PTPRG: variants seen among roughly 807,000 people sequenced by gnomAD.
PTPRG encodes protein tyrosine phosphatase receptor type G.
A neutral mutation model predicts 165.3 loss-of-function variants in PTPRG; 102 were observed. That is an observed-to-expected ratio of 0.62 (90% CI 0.53 to 0.73). The LOEUF is 0.73. Ranked by LOEUF, PTPRG falls within the 30% of genes least tolerant of loss-of-function variation. The probability of loss-of-function intolerance (pLI) is 0.00; values close to 1 mark genes in which losing one functional copy is unlikely to be tolerated. For synonymous variants in PTPRG, 675 were observed against 669.5 expected (o/e 1.01, Z -0.13); for missense variants, 1,866 against 1,861.4 (o/e 1.00, Z -0.05).
chr3:61,610,377 T>G (rs1180369044), intron 1 of PTPRG, among the ~76,000 whole-genome samples: 1 of 152,048 alleles, frequency 6.6e-6, no homozygotes, highest in Non-Finnish European at 1.5e-5. Flanking sequence ...CCCAAATCAT[T>G]TGGTAGATGT....
At chr3:62,090,313 G>A (rs533123760) in intron 5 of PTPRG, among the ~76,000 whole-genome samples, 2 of 152,206 alleles carry the variant, frequency 1.3e-5, no homozygotes, top group Admixed American at 6.5e-5. Flanking sequence ...ACTCTTCAAA[G>A]GTGGCTGCCA....
chr3:62,282,657 A>G (rs376555485), intron 27 of PTPRG, 70 bp from the exon 28 acceptor site: 5 of 1,476,766 alleles, frequency 3.4e-6, no homozygotes, highest in East Asian at 2.4e-5. Flanking sequence ...CTCAGGAGCA[A>G]GTTCTAGTCA....
chr3:62,281,709 G>A lies in PTPRG; in HGVS notation c.3912G>A (p.Gln1304=). 6.2e-7 allele frequency: 1 copy of A among 1,609,936 alleles called. No individual in the cohort carries two copies. The highest frequency in any genetic ancestry group is 8.5e-7 in the Non-Finnish European group (1 of 1,177,826). ...ATGACTTTATCCTTGAAGCTACACA[G>A]GTAACCTAAACCTCAGTTCCTCACT... ...IIHDFILEAT[Q]DDYVLEVRHF... is the part of the protein sequence containing the mutation. Residue 1304 remains glutamine (Q), a splice_region_variant and synonymous_variant, in exon 27 of 30, where the codon CAG becomes CAA. Transcript: ENST00000474889.
intron 5 of PTPRG, among the ~76,000 whole-genome samples, chr3:62,112,331 T>C (rs1702699434): frequency 1.3e-5 from 2 of 152,258 alleles, no homozygotes; most frequent in Non-Finnish European, 1.5e-5. Flanking sequence ...CTCAAACTCC[T>C]GACCTCAAGC....
chr3:61,686,900 G>C (rs1703650507), intron 1 of PTPRG, among the ~76,000 whole-genome samples: 1 of 152,126 alleles, frequency 6.6e-6, no homozygotes. Flanking sequence ...TTAATGGTTG[G>C]TGTTGTCTTG....
At chr3:61,967,554 T>G (rs1335062368) in intron 2 of PTPRG, among the ~76,000 whole-genome samples, 1 of 152,176 alleles carries the variant, frequency 6.6e-6, no homozygotes, top group African/African-American at 2.4e-5. Flanking sequence ...ATGTCTAAAT[T>G]CATTCCCTTA....
intron 1 of PTPRG, among the ~76,000 whole-genome samples, chr3:61,597,375 A>C (rs1700729452): frequency 6.6e-6 from 1 of 152,206 alleles, no homozygotes; most frequent in Non-Finnish European, 1.5e-5. Context: ...TCGGCCCTCT[A>C]GATCCTTGGA....
rs1700579705 is a variant in PTPRG, at chr3:62,218,905, G to A, written c.2210G>A (p.Trp737Ter). 1 of 1,613,868 alleles carries A rather than the reference G, an allele frequency of 6.2e-7. No homozygotes were observed. Among genetic ancestry groups the A allele is most frequent in the Non-Finnish European group, 8.5e-7 (1 of 1,179,758 alleles). Reference protein sequence around the residue: ...ISRPAPGRMEWIIPLIVVSAL... With the variant: ...ISRPAPGRME ...CGCCCTGCTCCAGGGAGGATGGAGT[G>A]GATCATCCCTCTGATTGTGGTATCA... The change falls in exon 13 of 30, where the codon TGG (tryptophan) becomes TAG (stop). Residue 737 changes from tryptophan (W) to a stop codon, truncating the protein, a stop_gained. Coordinates refer to ENST00000474889, the MANE Select transcript of PTPRG (RefSeq NM_002841.4). LOFTEE classifies it high-confidence loss of function.
chr3:61,583,411 G>A (rs1011423793), intron 1 of PTPRG, among the ~76,000 whole-genome samples: 6 of 152,230 alleles, frequency 3.9e-5, no homozygotes, highest in Non-Finnish European at 7.3e-5. Flanking sequence ...ACATCTATAA[G>A]ATGGGATGAT....
At chr3:62,152,245 G>A (rs1358743204) in intron 6 of PTPRG, among the ~76,000 whole-genome samples, 1 of 151,202 alleles carries the variant, frequency 6.6e-6, no homozygotes, top group African/African-American at 2.4e-5. Flanking sequence ...GGTGATACAA[G>A]CCTATAGTCC....
intron 15 of PTPRG, among the ~76,000 whole-genome samples, chr3:62,250,177 A>T (rs1354074629): frequency 1.3e-5 from 2 of 152,132 alleles, no homozygotes; most frequent in Admixed American, 1.3e-4. Flanking sequence ...TGTTATCCTG[A>T]TTGCTTTTCA....
At chr3:62,124,129 A>G in intron 5 of PTPRG, 1 of 575,212 alleles carries the variant, frequency 1.7e-6, no homozygotes, top group Non-Finnish European at 3.1e-6. Context: ...TTGAAAAATA[A>G]GTTCAGCGCT....
intron 2 of PTPRG, among the ~76,000 whole-genome samples, chr3:61,859,982 T>C (rs530056072): frequency 6.6e-6 from 1 of 152,346 alleles, no homozygotes; most frequent in East Asian, 1.9e-4. Flanking sequence ...ACATCCTTTA[T>C]TGTGATCAAT....
chr3:61,674,293 T>C (rs1453041795), intron 1 of PTPRG, among the ~76,000 whole-genome samples: 1 of 151,816 alleles, frequency 6.6e-6, no homozygotes, highest in Admixed American at 6.6e-5. Context: ...GATCTCCAGC[T>C]CCCCGCTCTT....
chr3:61,568,758 A>G (rs1039759247), intron 1 of PTPRG, among the ~76,000 whole-genome samples: 7 of 152,028 alleles, frequency 4.6e-5, no homozygotes, highest in African/African-American at 9.7e-5. Context: ...AAATACAAAA[A>G]TTAGCTGGGC....
chr3:61,711,233 T>C (rs999698797), intron 1 of PTPRG, among the ~76,000 whole-genome samples: 2 of 152,204 alleles, frequency 1.3e-5, no homozygotes, highest in Non-Finnish European at 2.9e-5. Context: ...AATAGACATA[T>C]GTGTGCATGT....
chr3:61,727,268 C>T (rs1361871021), intron 1 of PTPRG, among the ~76,000 whole-genome samples: 4 of 151,520 alleles, frequency 2.6e-5, no homozygotes, highest in African/African-American at 7.3e-5. Context: ...TCACTGCAAC[C>T]TCAGCCTCCC....
At chr3:61,981,524 A>C (rs1393412242) in intron 2 of PTPRG, among the ~76,000 whole-genome samples, 2 of 152,210 alleles carry the variant, frequency 1.3e-5, no homozygotes, top group African/African-American at 4.8e-5. Context: ...CCTAGAGGAA[A>C]GTATGGATAA....
intron 2 of PTPRG, among the ~76,000 whole-genome samples, chr3:61,817,282 A>G (rs1272571247): frequency 2.5e-5 from 3 of 119,330 alleles, no homozygotes; most frequent in South Asian, 5.9e-4. Context: ...AACCTTTTAA[A>G]TCACTGAAAT....
Sources: allele counts gnomAD v4.1 joint callset (sites outside exome capture counted in the v4.1 genomes callset), GRCh38; gene constraint gnomAD v4.1.1; transcripts MANE v1.5; gene names NCBI Gene and HGNC (gene_info 2026-07-23, HGNC 2026-07-21).